Variants in CES5A observed in about 807,000 individuals in gnomAD.
CES5A encodes carboxylesterase 5A.
In CES5A, 67 loss-of-function variants were observed where a neutral mutation model predicts 62.9. That is an observed-to-expected ratio of 1.07 (90% CI 0.88 to 1.31). The LOEUF (loss-of-function observed/expected upper bound fraction) is 1.31, where lower values mean the gene tolerates loss of function less well. Ranked by LOEUF, CES5A falls within the 50% of genes most tolerant of loss-of-function variation. The pLI is 0.00. For missense variants in CES5A, 748 were observed against 708.5 expected, an observed-to-expected ratio of 1.06 and a Z score of -0.63; for synonymous variants, 296 against 280.8, an observed-to-expected ratio of 1.05 and a Z score of -0.54.
At position 55,863,424 on chromosome 16, in the gene CES5A, A is replaced by G; in HGVS notation, c.734T>C (p.Phe245Ser). Reference protein sequence around the residue: ...LILSPMAKGLFHKAIMESGVA... With the variant: ...LILSPMAKGLSHKAIMESGVA... ...CCCACTCTCCATGATGGCTTTGTGGAATAAGCCTTTGGCCATGGGAGACAG... is the reference window on the plus strand; with the variant it reads ...CCCACTCTCCATGATGGCTTTGTGGGATAAGCCTTTGGCCATGGGAGACAG... Residue 245 changes from phenylalanine to serine, a missense_variant, in exon 6 of 13, where the codon TTC becomes TCC. Physicochemically the swap from Phe to Ser is radical, Grantham distance 155. Transcript: ENST00000290567. 1 of 1,607,340 alleles carries G rather than the reference A, an allele frequency of 6.2e-7. No homozygotes were observed. Among genetic ancestry groups the G allele is most frequent in the Non-Finnish European group, 8.5e-7 (1 of 1,175,100 alleles).
intron 4 of CES5A, among the ~76,000 whole-genome samples, chr16:55,868,420 CAAGCA>C (rs2033510088): frequency 1.3e-5 from 2 of 152,252 alleles, no homozygotes; most frequent in East Asian, 3.9e-4. Flanking sequence ...CACCCTTTGC[CAAGCA>C]CATGTTCTCT....
chr16:55,885,513 G>A (rs2033806529), intron 1 of CES5A, among the ~76,000 whole-genome samples: 1 of 152,074 alleles, frequency 6.6e-6, no homozygotes, highest in South Asian at 2.1e-4. Context: ...ATCTGCAAAG[G>A]AGAGATAACA....
chr16:55,885,321 A>T (rs888646270), intron 1 of CES5A, among the ~76,000 whole-genome samples: 48 of 152,116 alleles, frequency 3.2e-4, no homozygotes, highest in African/African-American at 1.1e-3. Flanking sequence ...CCAGTCCCAG[A>T]CCCCCATCTT....
Position 55,875,362 on chromosome 16 carries a change from C to T in CES5A, c.-141G>A. 1 of 1,450,098 alleles carries T rather than the reference C, an allele frequency of 6.9e-7. No individual in the cohort carries two copies. Among genetic ancestry groups the T allele is most frequent in the Non-Finnish European group, 9.0e-7 (1 of 1,105,808 alleles). 89.8% of individuals were successfully genotyped at this position (1,450,098 alleles called of 1,614,324 possible). Reference sequence around the variant, plus strand: ...AGGCAGCAGAGTTACTGAAGATCAGCATCAGAACAATATTCTCAAAGGAAT... The same window carrying T: ...AGGCAGCAGAGTTACTGAAGATCAGTATCAGAACAATATTCTCAAAGGAAT... On this transcript the variant is annotated 5_prime_UTR_variant, in exon 1 of 13. The change abolishes an upstream ATG in the 5' untranslated region. Coordinates refer to ENST00000290567, the MANE Select transcript of CES5A (RefSeq NM_001143685.2).
chr16:55,863,849 C>G (rs531486536), intron 5 of CES5A, among the ~76,000 whole-genome samples: 1 of 151,732 alleles, frequency 6.6e-6, no homozygotes, highest in African/African-American at 2.4e-5. Flanking sequence ...CTCCGACTCC[C>G]AGGTTCAAGT....
chr16:55,847,860 A>T (rs2033047630), intron 11 of CES5A, among the ~76,000 whole-genome samples: 1 of 152,134 alleles, frequency 6.6e-6, no homozygotes, highest in Admixed American at 6.5e-5. Flanking sequence ...AATTACACAA[A>T]AACACTAGAA....
At chr16:55,952,018 C>CA (rs1375763539) in intron 1 of CES5A, among the ~76,000 whole-genome samples, 1 of 151,414 alleles carries the variant, frequency 6.6e-6, no homozygotes, top group Non-Finnish European at 1.5e-5. Context: ...ATGGAGCATT[C>CA]AAAAAAAATT....
rs767540276 is a variant in CES5A, at chr16:55,875,252, G to A, written c.-31C>T. ...TGCCTGCCTGCACTCTGTGAACATT[G>A]ACGGCGGCTGCTGGCCTCAGAGAGC... is the stretch of plus-strand genomic sequence containing the variant. On this transcript the variant is annotated 5_prime_UTR_variant, in exon 1 of 13. Coordinates refer to ENST00000290567, the MANE Select transcript of CES5A (RefSeq NM_001143685.2). 9.3e-6 allele frequency: 15 copies of A among 1,604,468 alleles called. No individual in the cohort carries two copies. In the African/African-American group the frequency reaches 1.9e-4, roughly 20 times the overall value.
chr16:55,868,343 C>T (rs1205606895), intron 4 of CES5A, among the ~76,000 whole-genome samples: 2 of 152,250 alleles, frequency 1.3e-5, no homozygotes, highest in Non-Finnish European at 2.9e-5. Context: ...GTGCAGTCTG[C>T]AAAAGTATTG....
At chr16:55,935,218 C>T (rs1567360749) in intron 2 of CES5A, among the ~76,000 whole-genome samples, 1 of 152,212 alleles carries the variant, frequency 6.6e-6, no homozygotes, top group Non-Finnish European at 1.5e-5. Context: ...GCTGGGATTA[C>T]AGGCATGAGC....
chr16:55,916,876 C>A (rs925960276), intron 1 of CES5A, among the ~76,000 whole-genome samples: 2 of 152,228 alleles, frequency 1.3e-5, no homozygotes, highest in Admixed American at 6.5e-5. Flanking sequence ...GGTTGCCAAT[C>A]AACTCCCTGT....
At chr16:55,924,322 T>C (rs1292754805) in intron 1 of CES5A, among the ~76,000 whole-genome samples, 2 of 151,924 alleles carry the variant, frequency 1.3e-5, no homozygotes, top group African/African-American at 2.4e-5. Flanking sequence ...CCATTTACAT[T>C]AGCTACAAAG....
chr16:55,949,771 G>A (rs2142486851), intron 2 of CES5A: 2 of 1,356,600 alleles, frequency 1.5e-6, no homozygotes, highest in African/African-American at 2.9e-5. Context: ...GTAAATTCTT[G>A]TCAAACAACT....
chr16:55,885,150 C>T (rs2033801538), intron 1 of CES5A, among the ~76,000 whole-genome samples: 1 of 152,180 alleles, frequency 6.6e-6, no homozygotes, highest in South Asian at 2.1e-4. Context: ...GCTTTGTTCT[C>T]CATGTATTTT....
At chr16:55,887,764 T>C (rs2033831840) in intron 1 of CES5A, among the ~76,000 whole-genome samples, 2 of 152,180 alleles carry the variant, frequency 1.3e-5, no homozygotes, top group South Asian at 4.2e-4. Flanking sequence ...AGGCAGTGAC[T>C]ATCTGAGGCC....
At chr16:55,912,306 C>A (rs2034101673) in intron 1 of CES5A, among the ~76,000 whole-genome samples, 1 of 152,240 alleles carries the variant, frequency 6.6e-6, no homozygotes, top group Non-Finnish European at 1.5e-5. Context: ...CCGACGACAA[C>A]AGGTCTATTT....
chr16:55,872,755 C>T (rs2033617710), intron 2 of CES5A, among the ~76,000 whole-genome samples: 2 of 152,138 alleles, frequency 1.3e-5, no homozygotes, highest in Admixed American at 1.3e-4. Flanking sequence ...AAAGCTAGTC[C>T]AGGTGGGTCT....
chr16:55,938,601 G>A (rs1456437130), intron 2 of CES5A, among the ~76,000 whole-genome samples: 1 of 150,590 alleles, frequency 6.6e-6, no homozygotes, highest in Non-Finnish European at 1.5e-5. Context: ...TCTGGGTATG[G>A]TGGCGGGTGC....
intron 1 of CES5A, among the ~76,000 whole-genome samples, chr16:55,897,578 C>T (rs72810523): frequency 0.13 from 20,320 of 152,170 alleles, 1,500 homozygotes; most frequent in South Asian, 0.17. Context: ...GACACACCCC[C>T]AGAATACCCA....
Sources: gnomAD v4.1 joint callset for allele counts (sites outside exome capture counted in the v4.1 genomes callset) on GRCh38, gnomAD v4.1.1 for gene constraint, MANE v1.5 for transcripts, NCBI Gene and HGNC (gene_info 2026-07-23, HGNC 2026-07-21) for gene names.